NR3C2: variants seen among roughly 807,000 people sequenced by gnomAD.
The protein encoded by NR3C2 is nuclear receptor subfamily 3 group C member 2.
Under a neutral mutation model 86.4 loss-of-function variants are expected in NR3C2, and 15 were observed. The observed-to-expected ratio is 0.17, with a 90% CI of 0.12 to 0.27. NR3C2 has a LOEUF of 0.27. Ranked by LOEUF, NR3C2 falls within the 10% of genes least tolerant of loss-of-function variation. The pLI is 1.00. For synonymous variants in NR3C2, 458 were observed against 450.5 expected (o/e 1.02, Z -0.21); for missense variants, 960 against 1,195.6 (o/e 0.80, Z 2.91).
intron 2 of NR3C2, among the ~76,000 whole-genome samples, chr4:148,354,893 T>C (rs1157986412): frequency 1.3e-5 from 2 of 152,140 alleles, no homozygotes; most frequent in Non-Finnish European, 2.9e-5. Context: ...AACATGAAAT[T>C]AGAACAAAAA....
chr4:148,307,318 T>C (rs1742679195), intron 2 of NR3C2, among the ~76,000 whole-genome samples: 1 of 152,214 alleles, frequency 6.6e-6, no homozygotes. Flanking sequence ...ATGTGTTGTG[T>C]ACTAGAAGGT....
At chr4:148,363,610 A>T (rs771922230) in intron 2 of NR3C2, among the ~76,000 whole-genome samples, 12 of 144,972 alleles carry the variant, frequency 8.3e-5, no homozygotes, top group South Asian at 4.3e-4. Context: ...TTCATGCCAT[A>T]CTCCTGCCTC....
At chr4:148,345,604 T>C (rs1744950829) in intron 2 of NR3C2, among the ~76,000 whole-genome samples, 1 of 151,994 alleles carries the variant, frequency 6.6e-6, no homozygotes, top group South Asian at 2.1e-4. Flanking sequence ...TTTTTAATAA[T>C]GACTTGTTCG....
At chr4:148,156,020 C>T (rs555259269) in intron 4 of NR3C2, among the ~76,000 whole-genome samples, 43 of 152,154 alleles carry the variant, frequency 2.8e-4, no homozygotes, top group Non-Finnish European at 4.9e-4. Flanking sequence ...GAAAGGATTC[C>T]CTATTTAATA....
intron 2 of NR3C2, among the ~76,000 whole-genome samples, chr4:148,320,871 A>C (rs1743541715): frequency 6.7e-6 from 1 of 148,960 alleles, no homozygotes; most frequent in Non-Finnish European, 1.5e-5. Flanking sequence ...TTGTGTCTCT[A>C]TTTCCTTCAG....
chr4:148,216,652 G>T (rs1737554047), intron 3 of NR3C2, among the ~76,000 whole-genome samples: 1 of 152,150 alleles, frequency 6.6e-6, no homozygotes, highest in African/African-American at 2.4e-5. Context: ...TATTAAATCA[G>T]ACATGGTACC....
intron 2 of NR3C2, among the ~76,000 whole-genome samples, chr4:148,362,100 T>A (rs12510074): frequency 0.12 from 18,149 of 152,204 alleles, 1,151 homozygotes; most frequent in Middle Eastern, 0.16. Flanking sequence ...AGGCCACCCA[T>A]AGTGCTGGGA....
chr4:148,318,171 C>T (rs1743324441), intron 2 of NR3C2, among the ~76,000 whole-genome samples: 1 of 151,552 alleles, frequency 6.6e-6, no homozygotes, highest in African/African-American at 2.4e-5. Context: ...TGATGATTTC[C>T]AATTTCATCC....
intron 3 of NR3C2, among the ~76,000 whole-genome samples, chr4:148,233,326 G>C (rs1560991461): frequency 6.7e-6 from 1 of 150,130 alleles, no homozygotes; most frequent in East Asian, 2.0e-4. Context: ...TGAACACTTA[G>C]AGGCCATTGT....
intron 2 of NR3C2, among the ~76,000 whole-genome samples, chr4:148,412,583 C>T (rs981563994): frequency 1.3e-5 from 2 of 152,016 alleles, no homozygotes; most frequent in East Asian, 1.9e-4. Flanking sequence ...AAAAAAAATG[C>T]TCCTTCCTTT....
chr4:148,116,114 T>C (rs1452322163), intron 7 of NR3C2, among the ~76,000 whole-genome samples: 1 of 152,202 alleles, frequency 6.6e-6, no homozygotes, highest in Non-Finnish European at 1.5e-5. Context: ...GTATAGATAC[T>C]TATATGGACA....
chr4:148,181,163 C>T (rs992434308), intron 4 of NR3C2, among the ~76,000 whole-genome samples: 3 of 152,112 alleles, frequency 2.0e-5, no homozygotes, highest in Non-Finnish European at 4.4e-5. Context: ...GAATTAGGAA[C>T]CAGTTTCAGA....
chr4:148,345,176 T>C (rs1744928585), intron 2 of NR3C2, among the ~76,000 whole-genome samples: 1 of 152,134 alleles, frequency 6.6e-6, no homozygotes, highest in Admixed American at 6.6e-5. Flanking sequence ...GATTCTGTGG[T>C]TCAGAAGTAA....
intron 3 of NR3C2, among the ~76,000 whole-genome samples, chr4:148,221,024 C>G (rs1173688656): frequency 2.0e-5 from 3 of 151,026 alleles, no homozygotes; most frequent in Non-Finnish European, 4.4e-5. Context: ...AAACATGTAC[C>G]AAGAATATCT....
At chr4:148,272,259 T>C (rs1740723900) in intron 2 of NR3C2, among the ~76,000 whole-genome samples, 1 of 152,200 alleles carries the variant, frequency 6.6e-6, no homozygotes, top group Non-Finnish European at 1.5e-5. Flanking sequence ...CATTACCTCC[T>C]CACTCTTACA....
upstream of NR3C2, chr4:148,444,212 A>G (rs1174817552): frequency 1.0e-6 from 1 of 976,774 alleles, no homozygotes; most frequent in Non-Finnish European, 1.2e-6. Flanking sequence ...ATTCATTATT[A>G]AAGGAATGGA....
chr4:148,311,770 G>A (rs111447164), intron 2 of NR3C2, among the ~76,000 whole-genome samples: 129 of 152,304 alleles, frequency 8.5e-4, no homozygotes, highest in African/African-American at 2.7e-3. Flanking sequence ...CAATTACACT[G>A]CACTCTTGTT....
chr4:148,357,296 T>C (rs1745595350), intron 2 of NR3C2, among the ~76,000 whole-genome samples: 2 of 152,196 alleles, frequency 1.3e-5, no homozygotes, highest in Admixed American at 1.3e-4. Flanking sequence ...TTCATTTCTG[T>C]AGTAAAAGTG....
chr4:148,444,576 G>A, upstream of NR3C2: 1 of 988,374 alleles, frequency 1.0e-6, no homozygotes, highest in African/African-American at 1.7e-5. Context: ...GGAACGGCTA[G>A]ACTCCCGCCG....
Sources: allele counts gnomAD v4.1 joint callset (sites outside exome capture counted in the v4.1 genomes callset), GRCh38; gene constraint gnomAD v4.1.1; transcripts MANE v1.5; gene names NCBI Gene and HGNC (gene_info 2026-07-23, HGNC 2026-07-21).